The following MASP1 variants were observed in gnomAD, a reference collection of about 807,000 sequenced individuals.
The protein encoded by MASP1 is MBL associated serine protease 1.
A neutral mutation model predicts 77.1 loss-of-function variants in MASP1; 59 were observed. The observed-to-expected ratio is 0.77, with a 90% CI of 0.62 to 0.95. The LOEUF (loss-of-function observed/expected upper bound fraction) is 0.95, where lower values mean the gene tolerates loss of function less well. Among genes scored for constraint, MASP1 ranks in the 40% least tolerant of loss-of-function variants. The pLI, the probability that MASP1 is intolerant of heterozygous loss-of-function variation, is 0.00. For synonymous variants in MASP1, 362 were observed against 354.5 expected (o/e 1.02, Z -0.24); for missense variants, 885 against 912.9 (o/e 0.97, Z 0.39).
intron 7 of MASP1, chr3:187,251,417 A>C (rs1714575216): frequency 1.8e-6 from 1 of 553,898 alleles, no homozygotes; most frequent in Non-Finnish European, 3.2e-6. Flanking sequence ...CTGATTAAAA[A>C]AAAAAAAAAA....
intron 8 of MASP1, among the ~76,000 whole-genome samples, chr3:187,247,749 G>C (rs1714219023): frequency 1.3e-5 from 2 of 152,072 alleles, no homozygotes; most frequent in Admixed American, 1.3e-4. Context: ...GTGGAGGCAG[G>C]GCCAGAACAA....
chr3:187,241,511 A>G lies in MASP1; in HGVS notation c.1273T>C (p.Leu425=), dbSNP rs370658690. 2.4e-5 allele frequency: 39 copies of G among 1,613,720 alleles called. No homozygotes were observed. The highest frequency in any genetic ancestry group is 1.9e-4 in the African/African-American group (14 of 74,914). Residue 425 remains leucine (L), a synonymous_variant, in exon 10 of 11, where the codon TTG becomes CTG. Transcript: ENST00000296280. Reference sequence around the variant, plus strand: ...AGGCAGGTGGGTAGGCTTCTCCCCAATACTTTATTCATCCAGACTCCTTGG... The same window carrying G: ...AGGCAGGTGGGTAGGCTTCTCCCCAGTACTTTATTCATCCAGACTCCTTGG... ...SAQGVWMNKV[L]GRSLPTCLPE...
chr3:187,244,770 T>C (rs1308430387), intron 8 of MASP1: 1 of 152,248 alleles, frequency 6.6e-6, no homozygotes, highest in Non-Finnish European at 1.5e-5. Flanking sequence ...AGCTGGCCAA[T>C]GGTGGACATC....
intron 4 of MASP1, among the ~76,000 whole-genome samples, chr3:187,257,531 C>T (rs1406640841): frequency 1.3e-5 from 2 of 152,080 alleles, no homozygotes; most frequent in Admixed American, 6.5e-5. Flanking sequence ...ACGACAGGCA[C>T]GTGCTATAAC....
In MASP1 at chr3:187,268,910, C is replaced by T. The variant is rs565889273; in HGVS notation, c.238-6190G>A. Among the ~76,000 whole-genome samples, 23 of 152,062 alleles carry T rather than the reference C, an allele frequency of 1.5e-4. No individual in the cohort carries two copies. In the East Asian group the frequency reaches 4.3e-3, roughly 28 times the overall value. ...TGAAGCCCCATCTCTACCAAAAATA[C>T]AAAAATTAGCTGGGCGTGGTGGTGT... On this transcript the variant is annotated intron_variant, in intron 2 of 10. Transcript: ENST00000296280.
chr3:187,228,821 T>C (rs907722974), intron 11 of MASP1, among the ~76,000 whole-genome samples: 1 of 152,196 alleles, frequency 6.6e-6, no homozygotes, highest in African/African-American at 2.4e-5. Context: ...TCTGAGAGAA[T>C]GTAAGGATAA....
At chr3:187,220,023 T>A in exon 16 of MASP1, 1 of 1,597,084 alleles carries the variant, frequency 6.3e-7, no homozygotes, top group Non-Finnish European at 8.6e-7. Flanking sequence ...GATCGTCCTC[T>A]GCTACTGACT....
intron 5 of MASP1, among the ~76,000 whole-genome samples, chr3:187,254,354 T>C (rs1385414314): frequency 6.6e-6 from 1 of 152,096 alleles, no homozygotes; most frequent in Non-Finnish European, 1.5e-5. Context: ...ATCTGAGATA[T>C]GTAGGATGAG....
chr3:187,271,798 A>C (rs1349010679), intron 2 of MASP1, among the ~76,000 whole-genome samples: 1 of 152,196 alleles, frequency 6.6e-6, no homozygotes, highest in Admixed American at 6.5e-5. Flanking sequence ...CTGGAAGTGC[A>C]GGGTCATTCA....
intron 4 of MASP1, among the ~76,000 whole-genome samples, chr3:187,260,083 T>C (rs960822669): frequency 6.6e-6 from 1 of 152,186 alleles, no homozygotes; most frequent in African/African-American, 2.4e-5. Context: ...GAAACATTAA[T>C]GTTAAAATGG....
chr3:187,221,421 A>G (rs930152431), intron 14 of MASP1, among the ~76,000 whole-genome samples: 6 of 152,212 alleles, frequency 3.9e-5, no homozygotes, highest in Non-Finnish European at 7.3e-5. Context: ...GATAGAGGTA[A>G]TAATACTTGC....
intron 8 of MASP1, among the ~76,000 whole-genome samples, chr3:187,245,710 T>C (rs1714016921): frequency 6.6e-6 from 1 of 152,140 alleles, no homozygotes; most frequent in South Asian, 2.1e-4. Context: ...TGACTTATGC[T>C]CTTTGCTTTA....
intron 15 of MASP1, chr3:187,220,265 G>C (rs1378927656): frequency 1.9e-6 from 3 of 1,613,544 alleles, no homozygotes; most frequent in Non-Finnish European, 2.5e-6. Flanking sequence ...TTTCCCCCTA[G>C]GTGAAAAAGA....
At chr3:187,275,610 A>C (rs190830696) in intron 2 of MASP1, among the ~76,000 whole-genome samples, 44 of 152,290 alleles carry the variant, frequency 2.9e-4, no homozygotes, top group African/African-American at 1.0e-3. Context: ...ATAAACTTAA[A>C]ATTAAGTACA....
chr3:187,268,871 G>T (rs1018356423), intron 2 of MASP1, among the ~76,000 whole-genome samples: 1 of 151,752 alleles, frequency 6.6e-6, no homozygotes, highest in African/African-American at 2.4e-5. Flanking sequence ...TCGAGACCAG[G>T]CTGGCCAACA....
At chr3:187,270,621 C>T (rs2108581192) in intron 2 of MASP1, among the ~76,000 whole-genome samples, 1 of 152,330 alleles carries the variant, frequency 6.6e-6, no homozygotes, top group Admixed American at 6.5e-5. Context: ...CTATCCTTTT[C>T]ATCCCTGTCC....
In MASP1 at chr3:187,286,040, A is replaced by G; in HGVS notation, c.22T>C (p.Tyr8His). The G allele has an allele frequency of 6.2e-7, 1 of 1,614,176 alleles. No individual in the cohort carries two copies. Among genetic ancestry groups the G allele is most frequent in the Non-Finnish European group, 8.5e-7 (1 of 1,180,000 alleles). The stretch of plus-strand genomic sequence containing the variant: ...TTTGACAGGGAGAAGCACAGAGCAT[A>G]ATAGAGAAGCAGCCACCTGAAAGAC... MRWLLLY[Y>H]ALCFSLSKAS... is the part of the protein sequence containing the mutation. Residue 8 changes from tyrosine to histidine, a missense_variant, in exon 2 of 11, where the codon TAT becomes CAT. By Grantham distance (83) the Tyr-to-His change is moderately conservative. Transcript: ENST00000296280.
At chr3:187,250,124 T>A in intron 8 of MASP1, 127 bp downstream of exon 8, 2 of 799,864 alleles carry the variant, frequency 2.5e-6, no homozygotes, top group Non-Finnish European at 4.5e-6. Context: ...CTTGTGTGTC[T>A]GTTAAATTCC....
intron 8 of MASP1, among the ~76,000 whole-genome samples, chr3:187,246,029 C>A (rs1287607615): frequency 6.6e-6 from 1 of 152,192 alleles, no homozygotes; most frequent in Non-Finnish European, 1.5e-5. Flanking sequence ...GTGCACCCAC[C>A]CTCCGAACAC....
Sources: allele counts gnomAD v4.1 joint callset (sites outside exome capture counted in the v4.1 genomes callset), GRCh38; gene constraint gnomAD v4.1.1; transcripts MANE v1.5; gene names NCBI Gene and HGNC (gene_info 2026-07-23, HGNC 2026-07-21).